Variants in CCDC13 observed in about 807,000 individuals in gnomAD.
CCDC13 encodes the protein coiled-coil domain containing 13.
A neutral mutation model predicts 87.3 loss-of-function variants in CCDC13; 70 were observed. The ratio of observed to expected loss-of-function variants is 0.80; its 90% confidence interval spans 0.66 to 0.98. CCDC13 has a LOEUF of 0.98. Ranked by LOEUF, CCDC13 falls within the 50% of genes least tolerant of loss-of-function variation. CCDC13 has a pLI of 0.00. For missense variants in CCDC13, 842 were observed against 892.0 expected, an observed-to-expected ratio of 0.94 and a Z score of 0.71; for synonymous variants, 317 against 360.3, an observed-to-expected ratio of 0.88 and a Z score of 1.36.
At chr3:42,721,675 C>A (rs565623962) in intron 13 of CCDC13, among the ~76,000 whole-genome samples, 1 of 152,204 alleles carries the variant, frequency 6.6e-6, no homozygotes, top group South Asian at 2.1e-4. Context: ...CTTATGGCAA[C>A]GTAGTTATTT....
intron 13 of CCDC13, among the ~76,000 whole-genome samples, chr3:42,716,937 G>A (rs1698444214): frequency 6.6e-6 from 1 of 152,206 alleles, no homozygotes; most frequent in South Asian, 2.1e-4. Flanking sequence ...ATCAACAGAT[G>A]AATAGATTGA....
chr3:42,718,742 T>C (rs1163756668), intron 13 of CCDC13, among the ~76,000 whole-genome samples: 1 of 152,058 alleles, frequency 6.6e-6, no homozygotes, highest in Non-Finnish European at 1.5e-5. Context: ...TAACTTTGGG[T>C]AAGTGGTGGG....
intron 8 of CCDC13, 39 bp from the exon 9 acceptor site, chr3:42,739,849 G>A (rs764464827): frequency 3.1e-6 from 5 of 1,593,320 alleles, no homozygotes; most frequent in African/African-American, 2.7e-5. Context: ...GCAGGGCTGT[G>A]TGGGACCTTG....
intron 1 of CCDC13, among the ~76,000 whole-genome samples, chr3:42,771,271 G>T (rs1267899871): frequency 6.6e-6 from 1 of 152,202 alleles, no homozygotes; most frequent in Non-Finnish European, 1.5e-5. Flanking sequence ...TTACAGAGAA[G>T]TAAAAGATAC....
intron 3 of CCDC13, among the ~76,000 whole-genome samples, chr3:42,753,887 G>A (rs1011748629): frequency 1.2e-4 from 18 of 152,226 alleles, no homozygotes; most frequent in African/African-American, 4.3e-4. Context: ...GAAGGAGGCT[G>A]TGGAAGGTGG....
intron 13 of CCDC13, among the ~76,000 whole-genome samples, chr3:42,728,930 C>G (rs1698754052): frequency 3.0e-5 from 3 of 98,578 alleles, no homozygotes; most frequent in Admixed American, 2.0e-4. Flanking sequence ...GCTTGCCTCA[C>G]CCAATCCTAG....
chr3:42,724,739 G>A (rs1180548689), intron 13 of CCDC13, among the ~76,000 whole-genome samples: 2 of 152,160 alleles, frequency 1.3e-5, no homozygotes, highest in African/African-American at 4.8e-5. Context: ...CAATGCCAAT[G>A]TGAAGTGAAG....
intron 2 of CCDC13, among the ~76,000 whole-genome samples, 161 bp from the exon 3 acceptor site, chr3:42,757,375 G>A (rs1163802356): frequency 6.6e-6 from 1 of 152,140 alleles, no homozygotes; most frequent in African/African-American, 2.4e-5. Context: ...GCTTAAATAG[G>A]GAGTTATAAA....
At chr3:42,735,201 T>C (rs1160876881) in intron 10 of CCDC13, among the ~76,000 whole-genome samples, 1 of 150,380 alleles carries the variant, frequency 6.6e-6, no homozygotes, top group Non-Finnish European at 1.5e-5. Flanking sequence ...GGGGAGGGAG[T>C]GTGCTTCACG....
Position 42,742,841 on chromosome 3 carries a change from C to A in CCDC13, c.987+55G>T, listed in dbSNP as rs1699262207. 4.4e-6 allele frequency: 7 copies of A among 1,599,698 alleles called. No homozygotes were observed. In the East Asian group the frequency reaches 1.6e-4, roughly 36 times the overall value. On this transcript the variant is annotated intron_variant, in intron 8 of 15. Coordinates refer to ENST00000310232, the MANE Select transcript of CCDC13 (RefSeq NM_144719.4). Reference sequence around the variant, plus strand: ...ATGTGCCTCAGAGCCCTTGCAGGCACCATCATGATCTCTCGTTCCCACATG... The same window carrying A: ...ATGTGCCTCAGAGCCCTTGCAGGCAACATCATGATCTCTCGTTCCCACATG...
chr3:42,735,935 C>T (rs376117358), intron 9 of CCDC13, 22 bp from the exon 10 acceptor site: 380 of 1,602,212 alleles, frequency 2.4e-4, no homozygotes, highest in Admixed American at 8.3e-4. Flanking sequence ...GGCAGGAGGG[C>T]AGGTGGAGTC....
chr3:42,713,162 C>T lies in CCDC13; in HGVS notation c.1873G>A (p.Gly625Ser), dbSNP rs1186805648. The change falls in exon 14 of 16, where the codon GGT (glycine) becomes AGT (serine). Residue 625 changes from glycine to serine, a missense_variant and splice_region_variant. Gly to Ser is a moderately conservative substitution (Grantham distance 56). Transcript: ENST00000310232. ...SQRAAPRTKTGLPTSNNRHNP... is the reference protein window; with the variant it reads ...SQRAAPRTKTSLPTSNNRHNP... ...CTGAGACTACTGCCCTGGCCCCTAC[C>T]TGTTTTGGTCCTGGGAGCTGCTCTC... 9 of 1,613,606 alleles carry T rather than the reference C, an allele frequency of 5.6e-6. No individual in the cohort carries two copies. The highest frequency in any genetic ancestry group is 1.7e-6 in the Non-Finnish European group (2 of 1,179,734).
intron 7 of CCDC13, chr3:42,745,052 T>C (rs1378344041): frequency 1.3e-5 from 2 of 152,144 alleles, no homozygotes; most frequent in Non-Finnish European, 2.9e-5. Flanking sequence ...CCATGCACTA[T>C]CATCTATTAG....
chr3:42,763,965 C>T (rs1186923498), intron 1 of CCDC13, among the ~76,000 whole-genome samples: 1 of 152,046 alleles, frequency 6.6e-6, no homozygotes, highest in South Asian at 2.1e-4. Context: ...AGATATATAC[C>T]GATTTGGTCC....
intron 13 of CCDC13, among the ~76,000 whole-genome samples, chr3:42,729,799 G>A (rs1420058909): frequency 6.6e-6 from 1 of 152,228 alleles, no homozygotes; most frequent in Non-Finnish European, 1.5e-5. Context: ...TGTCATCAAA[G>A]AGCCTTGACT....
rs200211185 is a variant in CCDC13, at chr3:42,747,256, C to A, written c.720+1G>T. 38 of 1,612,892 alleles carry A rather than the reference C, an allele frequency of 2.4e-5. No homozygotes were observed. The highest frequency in any genetic ancestry group is 5.3e-5 in the African/African-American group (4 of 74,884). On this transcript the variant is annotated splice_donor_variant, in intron 6 of 15. Transcript: ENST00000310232. LOFTEE classifies it high-confidence loss of function. ...AGCCCCAAGCCCTGGCTCTGAAAGA[C>A]CTTCTGTGCCATCCGCAGCTCCTGC...
chr3:42,725,239 T>C (rs1462607942), intron 13 of CCDC13, among the ~76,000 whole-genome samples: 1 of 152,202 alleles, frequency 6.6e-6, no homozygotes, highest in Non-Finnish European at 1.5e-5. Flanking sequence ...TGATTCATTT[T>C]AAAAGGCAAT....
At position 42,715,855 on chromosome 3, in the gene CCDC13, C is replaced by T. The variant is rs190992443; in HGVS notation, c.1719-2539G>A. 2.0e-4 allele frequency among the ~76,000 whole-genome samples: 30 copies of T among 152,272 alleles called. No homozygotes were observed. The East Asian group carries it at 3.7e-3, about 19-fold the overall frequency. ...CCCATGCCATTTCCCTTCTGCCTTC[C>T]ACCACGGGATGCGGCAAGAAGGCCC... On this transcript the variant is annotated intron_variant, in intron 13 of 15. Coordinates refer to ENST00000310232, the MANE Select transcript of CCDC13 (RefSeq NM_144719.4).
In CCDC13 at chr3:42,739,757, CT is replaced by C. The variant is rs1175736292; in HGVS notation, c.1040del (p.Lys347ArgfsTer6). On this transcript the variant is annotated frameshift_variant, in exon 9 of 16. Transcript: ENST00000310232. LOFTEE classifies it high-confidence loss of function. ...VLQRELEELK[K>X]KFEGMRSRNK... is the part of the protein sequence containing the mutation. ...TCCGAGACCTCATGCCCTCGAACTT[CT>C]TTTTTAGCTCTTCAAGCTCTCTCTG... 2 of 1,614,186 alleles carry C rather than the reference CT, an allele frequency of 1.2e-6. No individual in the cohort carries two copies. Among genetic ancestry groups the C allele is most frequent in the Non-Finnish European group, 1.7e-6 (2 of 1,180,022 alleles).
Sources: allele counts gnomAD v4.1 joint callset (sites outside exome capture counted in the v4.1 genomes callset), GRCh38; gene constraint gnomAD v4.1.1; transcripts MANE v1.5; gene names NCBI Gene and HGNC (gene_info 2026-07-23, HGNC 2026-07-21).